Variants in PHF21B observed in about 807,000 individuals in gnomAD.
PHF21B encodes PHD finger protein 21B.
A neutral mutation model predicts 62.2 loss-of-function variants in PHF21B; 22 were observed. The ratio of observed to expected loss-of-function variants is 0.35; its 90% CI spans 0.25 to 0.51. PHF21B has a LOEUF of 0.51. Among genes scored for constraint, PHF21B ranks in the 20% least tolerant of loss-of-function variants. The probability of loss-of-function intolerance (pLI) is 0.97; values close to 1 mark genes in which losing one functional copy is unlikely to be tolerated. For synonymous variants in PHF21B, 341 were observed against 314.7 expected, an observed-to-expected ratio of 1.08 and a Z score of -0.88; for missense variants, 701 against 707.9, an observed-to-expected ratio of 0.99 and a Z score of 0.11.
At chr22:45,005,514 C>T (rs931939414) in intron 2 of PHF21B, among the ~76,000 whole-genome samples, 1 of 152,236 alleles carries the variant, frequency 6.6e-6, no homozygotes, top group Non-Finnish European at 1.5e-5. Flanking sequence ...GACCAATAAG[C>T]TATCTACCAC....
At chr22:44,933,961 T>C (rs1290982335) in intron 2 of PHF21B, among the ~76,000 whole-genome samples, 1 of 152,220 alleles carries the variant, frequency 6.6e-6, no homozygotes, top group East Asian at 1.9e-4. Flanking sequence ...GATCCTGCCA[T>C]GCTCAGCAGT....
At chr22:44,907,028 T>C (rs917190621) in intron 5 of PHF21B, among the ~76,000 whole-genome samples, 1 of 152,172 alleles carries the variant, frequency 6.6e-6, no homozygotes, top group Non-Finnish European at 1.5e-5. Flanking sequence ...TTGACACCTG[T>C]AGGTACATAC....
intron 6 of PHF21B, among the ~76,000 whole-genome samples, chr22:44,895,209 G>A (rs2071035395): frequency 6.6e-6 from 1 of 152,148 alleles, no homozygotes; most frequent in African/African-American, 2.4e-5. Context: ...CTGGGACCCT[G>A]GGCAAGTGAA....
intron 2 of PHF21B, among the ~76,000 whole-genome samples, chr22:44,980,603 C>G (rs539345083): frequency 6.6e-6 from 1 of 152,190 alleles, no homozygotes; most frequent in Non-Finnish European, 1.5e-5. Flanking sequence ...AAGCCACTGC[C>G]ATCAGAGGCA....
chr22:44,928,076 T>C (rs988185681), intron 2 of PHF21B, among the ~76,000 whole-genome samples: 14 of 152,158 alleles, frequency 9.2e-5, no homozygotes, highest in Non-Finnish European at 4.4e-5. Context: ...CATGTGGCTC[T>C]GGAAAAATCT....
chr22:44,971,156 C>T (rs891091662), intron 2 of PHF21B: 2 of 152,184 alleles, frequency 1.3e-5, no homozygotes, highest in African/African-American at 4.8e-5. Context: ...GAGTTCTAAT[C>T]CACCCACACC....
intron 2 of PHF21B, among the ~76,000 whole-genome samples, chr22:44,922,174 T>C (rs2071549862): frequency 6.6e-6 from 1 of 152,234 alleles, no homozygotes; most frequent in African/African-American, 2.4e-5. Flanking sequence ...GCTGGGTTTA[T>C]CCCAGGACTG....
rs1355053080 is a variant in PHF21B, at chr22:44,977,914, A to G, written c.120+30631T>C. On this transcript the variant is annotated intron_variant, in intron 2 of 12. Transcript: ENST00000313237. Reference sequence around the variant, plus strand: ...ATGTTTTGAACTTTAATTAAATGAAATCATATGAAGTTTTCTTCTGCAACT... The same window carrying G: ...ATGTTTTGAACTTTAATTAAATGAAGTCATATGAAGTTTTCTTCTGCAACT... 2.6e-5 allele frequency among the ~76,000 whole-genome samples: 4 copies of G among 152,104 alleles called. No homozygotes were observed. In the East Asian group the frequency reaches 7.7e-4, roughly 29 times the overall value.
intron 2 of PHF21B, among the ~76,000 whole-genome samples, chr22:44,983,328 G>C (rs1361221425): frequency 6.6e-6 from 1 of 152,152 alleles, no homozygotes; most frequent in East Asian, 1.9e-4. Context: ...CTCACCCATT[G>C]ACCTGCAGAC....
chr22:44,957,847 T>G (rs1489756930), intron 2 of PHF21B, among the ~76,000 whole-genome samples: 1 of 152,088 alleles, frequency 6.6e-6, no homozygotes, highest in African/African-American at 2.4e-5. Context: ...TCTAAACCCG[T>G]TCAGGCCTTG....
Position 44,920,539 on chromosome 22 carries a change from C to T in PHF21B, c.121-49G>A, listed in dbSNP as rs770773868. On this transcript the variant is annotated intron_variant, in intron 2 of 12. Coordinates refer to ENST00000313237, the MANE Select transcript of PHF21B (RefSeq NM_138415.5). ...CTGAGACAGGAGGAGCAGCTGAGAC[C>T]GAATCCGTTGCCCCCAGCCTGGCCA... The T allele has an allele frequency of 4.8e-6, 7 of 1,460,296 alleles. No individual in the cohort carries two copies. The African/African-American group carries it at 5.6e-5, about 12-fold the overall frequency. The allele number at this position is 1,460,296 out of a possible 1,614,324, so 90.5% of individuals were successfully genotyped here.
intron 2 of PHF21B, among the ~76,000 whole-genome samples, chr22:44,989,810 A>G (rs1240065628): frequency 6.6e-6 from 1 of 152,068 alleles, no homozygotes; most frequent in Non-Finnish European, 1.5e-5. Context: ...GGGTTTCACC[A>G]TGTTGACTAG....
In PHF21B at chr22:45,009,481, C is replaced by G; in HGVS notation, c.54+15G>C. 6.5e-7 allele frequency: 1 copy of G among 1,531,508 alleles called. No homozygotes were observed. Among genetic ancestry groups the G allele is most frequent in the East Asian group, 2.5e-5 (1 of 40,468 alleles). The allele number at this position is 1,531,508 out of a possible 1,614,324, so 94.9% of individuals were successfully genotyped here. A position where few individuals can be genotyped will look rare whatever the true frequency, so the allele number is the denominator to read the frequency against. On this transcript the variant is annotated intron_variant, in intron 1 of 12. Coordinates refer to ENST00000313237, the MANE Select transcript of PHF21B (RefSeq NM_138415.5). This position sits in a 1 kb window ranked among gnomAD's most constrained non-coding sequence, Gnocchi z 5.9. ...ACACACTCCCCGGCCCCGGGCCCGGCCCCCGGCCACCTACCTGGTGGCGCG... is the reference window on the plus strand; with the variant it reads ...ACACACTCCCCGGCCCCGGGCCCGGGCCCCGGCCACCTACCTGGTGGCGCG...
At chr22:44,961,760 G>A (rs2072425262) in intron 2 of PHF21B, among the ~76,000 whole-genome samples, 1 of 152,054 alleles carries the variant, frequency 6.6e-6, no homozygotes, top group East Asian at 1.9e-4. Flanking sequence ...AAAATCGCTT[G>A]AACCAGCATG....
intron 2 of PHF21B, among the ~76,000 whole-genome samples, chr22:44,938,378 C>A (rs542915384): frequency 6.6e-4 from 101 of 152,328 alleles, no homozygotes; most frequent in Admixed American, 2.4e-3. Context: ...GGATTACAGG[C>A]ACCTGCCATC....
intron 2 of PHF21B, among the ~76,000 whole-genome samples, chr22:44,967,853 G>T (rs762461763): frequency 2.0e-5 from 3 of 152,134 alleles, no homozygotes; most frequent in Admixed American, 2.0e-4. Flanking sequence ...CCTTGTTATT[G>T]ATGACCTGGA....
chr22:45,001,571 G>A (rs957424233), intron 2 of PHF21B, among the ~76,000 whole-genome samples: 6 of 152,194 alleles, frequency 3.9e-5, no homozygotes, highest in Admixed American at 3.9e-4. Context: ...AAACAGCTGT[G>A]AGCTGTGGGC....
At chr22:44,920,967 G>T (rs560418599) in intron 2 of PHF21B, among the ~76,000 whole-genome samples, 1 of 152,170 alleles carries the variant, frequency 6.6e-6, no homozygotes, top group Non-Finnish European at 1.5e-5. Flanking sequence ...ATGCTGCAGC[G>T]AACATCTTTG....
chr22:44,962,599 G>C (rs759907690), intron 2 of PHF21B, among the ~76,000 whole-genome samples: 10 of 152,226 alleles, frequency 6.6e-5, no homozygotes, highest in Non-Finnish European at 1.2e-4. Flanking sequence ...AGCGTAGTAA[G>C]TGAAACCATC....
Sources: allele counts gnomAD v4.1 joint callset (sites outside exome capture counted in the v4.1 genomes callset), GRCh38; gene constraint gnomAD v4.1.1; non-coding constraint Gnocchi (gnomAD v3.1); transcripts MANE v1.5; gene names NCBI Gene and HGNC (gene_info 2026-07-23, HGNC 2026-07-21).